CD247: variants seen among roughly 807,000 people sequenced by gnomAD.
CD247 encodes the protein T-cell surface glycoprotein CD3 zeta chain.
A neutral mutation model predicts 30.0 loss-of-function variants in CD247; 13 were observed. That is an observed-to-expected ratio of 0.43 (90% CI 0.28 to 0.69). The LOEUF (loss-of-function observed/expected upper bound fraction) is 0.69, where lower values mean the gene tolerates loss of function less well. CD247 is among the 30% of genes least tolerant of loss of function. CD247 has a pLI of 0.16. For synonymous variants in CD247, 72 were observed against 80.0 expected (o/e 0.90, Z 0.53); for missense variants, 193 against 212.6 (o/e 0.91, Z 0.57).
intron 1 of CD247, among the ~76,000 whole-genome samples, chr1:167,482,739 T>C (rs1036162823): frequency 1.3e-5 from 2 of 152,192 alleles, no homozygotes; most frequent in African/African-American, 4.8e-5. Context: ...TGTGTGCCTA[T>C]TCACCTGGGA....
intron 1 of CD247, among the ~76,000 whole-genome samples, chr1:167,490,630 G>T (rs61340694): frequency 6.6e-6 from 1 of 150,472 alleles, no homozygotes; most frequent in Non-Finnish European, 1.5e-5. Context: ...TCTCAAAAAA[G>T]AAAAAAAAAT....
At chr1:167,489,917 G>A (rs1333585468) in intron 1 of CD247, among the ~76,000 whole-genome samples, 1 of 152,168 alleles carries the variant, frequency 6.6e-6, no homozygotes, top group African/African-American at 2.4e-5. Flanking sequence ...CCTCTGACCT[G>A]TGCCCGCGCC....
chr1:167,488,589 G>T (rs539718143), intron 1 of CD247, among the ~76,000 whole-genome samples: 2 of 152,290 alleles, frequency 1.3e-5, no homozygotes, highest in African/African-American at 4.8e-5. Context: ...AGGGGAACCG[G>T]ATATTGAAGG....
At chr1:167,434,144 C>T (rs1157637406) in intron 5 of CD247, 68 bp from the exon 6 acceptor site, 47 of 1,445,384 alleles carry the variant, frequency 3.3e-5, no homozygotes, top group Non-Finnish European at 4.2e-5. Flanking sequence ...TCCCCTACAA[C>T]AGGAAGCTTC....
At chr1:167,447,004 A>G (rs1231143292) in intron 1 of CD247, among the ~76,000 whole-genome samples, 4 of 152,206 alleles carry the variant, frequency 2.6e-5, no homozygotes, top group Non-Finnish European at 5.9e-5. Context: ...CAAAAAAAAT[A>G]AAAAGAGATA....
At chr1:167,470,070 T>C (rs1465417602) in intron 1 of CD247, among the ~76,000 whole-genome samples, 1 of 152,066 alleles carries the variant, frequency 6.6e-6, no homozygotes, top group Non-Finnish European at 1.5e-5. Flanking sequence ...CATGCCATCA[T>C]GCCCAGCTAA....
At chr1:167,434,219 A>G (rs573579199) in intron 5 of CD247, 143 bp from the exon 6 acceptor site, 1 of 771,088 alleles carries the variant, frequency 1.3e-6, no homozygotes, top group East Asian at 2.5e-5. Flanking sequence ...TCCAAACCTT[A>G]TGCACACAAA....
intron 1 of CD247, among the ~76,000 whole-genome samples, chr1:167,509,712 T>C (rs1655307081): frequency 6.6e-6 from 1 of 152,142 alleles, no homozygotes; most frequent in African/African-American, 2.4e-5. Flanking sequence ...AGAACAACAA[T>C]TTTCCACCTG....
At chr1:167,463,702 G>T (rs1182238875) in intron 1 of CD247, among the ~76,000 whole-genome samples, 1 of 152,138 alleles carries the variant, frequency 6.6e-6, no homozygotes, top group Non-Finnish European at 1.5e-5. Flanking sequence ...CAAGAAAAAA[G>T]ACCCCATTGT....
At chr1:167,478,643 C>A (rs1232509137) in intron 1 of CD247, among the ~76,000 whole-genome samples, 1 of 152,176 alleles carries the variant, frequency 6.6e-6, no homozygotes, top group Non-Finnish European at 1.5e-5. Context: ...CTTTCTGTGC[C>A]TCTTACCTTG....
intron 7 of CD247, among the ~76,000 whole-genome samples, 178 bp from the exon 8 acceptor site, chr1:167,431,924 C>T (rs966646993): frequency 2.6e-5 from 4 of 152,156 alleles, no homozygotes; most frequent in Non-Finnish European, 4.4e-5. Context: ...GCAACAGCTT[C>T]GTTGGTAGAT....
chr1:167,466,023 A>T (rs1653229360), intron 1 of CD247, among the ~76,000 whole-genome samples: 1 of 152,238 alleles, frequency 6.6e-6, no homozygotes, highest in African/African-American at 2.4e-5. Flanking sequence ...TTTGAGAGGA[A>T]TTTAAGTGAT....
rs201424514 is a variant in CD247 at position 167,490,005 on chromosome 1, G to GC, written c.58+28402dup. Among the ~76,000 whole-genome samples, 1,107 of 151,766 alleles carry GC rather than the reference G, an allele frequency of 7.3e-3. 10 individuals are homozygous for GC. The highest frequency in any genetic ancestry group is 0.012 in the Non-Finnish European group (840 of 67,888). On this transcript the variant is annotated intron_variant, in intron 1 of 7. Coordinates refer to ENST00000362089, the MANE Select transcript of CD247 (RefSeq NM_198053.3). ...AGGCAGAGCCAGTTTAGCTGCCTGT[G>GC]CCCCCCCACCACCCCACCCCTTTTT...
At chr1:167,451,989 G>A (rs1381562453) in intron 1 of CD247, among the ~76,000 whole-genome samples, 1 of 152,180 alleles carries the variant, frequency 6.6e-6, no homozygotes, top group African/African-American at 2.4e-5. Context: ...TTGGGAGGTG[G>A]AGGCGGGTGG....
intron 1 of CD247, among the ~76,000 whole-genome samples, chr1:167,501,876 C>G (rs901135702): frequency 3.3e-5 from 5 of 152,246 alleles, no homozygotes; most frequent in African/African-American, 1.2e-4. Flanking sequence ...AGAAGAGGAG[C>G]ACGCAGGTAG....
intron 1 of CD247, among the ~76,000 whole-genome samples, chr1:167,504,842 T>G (rs1458592476): frequency 6.6e-6 from 1 of 152,208 alleles, no homozygotes; most frequent in African/African-American, 2.4e-5. Flanking sequence ...TGCCTACCTT[T>G]TGGGATCTCA....
chr1:167,498,115 C>T (rs939777227), intron 1 of CD247, among the ~76,000 whole-genome samples: 2 of 152,156 alleles, frequency 1.3e-5, no homozygotes, highest in African/African-American at 2.4e-5. Context: ...TGTTGTGTCT[C>T]CCCCAGTCCT....
chr1:167,502,150 T>C (rs931386085), intron 1 of CD247, among the ~76,000 whole-genome samples: 1 of 152,202 alleles, frequency 6.6e-6, no homozygotes, highest in Non-Finnish European at 1.5e-5. Flanking sequence ...AGAGAATGCC[T>C]CTGCAGTATG....
intron 1 of CD247, among the ~76,000 whole-genome samples, chr1:167,496,480 C>A (rs548865830): frequency 6.6e-6 from 1 of 152,342 alleles, no homozygotes; most frequent in East Asian, 1.9e-4. Flanking sequence ...TGCTTAAAAG[C>A]AGCAGCTTGT....
Sources: allele counts gnomAD v4.1 joint callset (sites outside exome capture counted in the v4.1 genomes callset), GRCh38; gene constraint gnomAD v4.1.1; transcripts MANE v1.5; gene names NCBI Gene and HGNC (gene_info 2026-07-23, HGNC 2026-07-21).